The following KLHL36 variants were observed in gnomAD, a reference collection of about 807,000 sequenced individuals.
KLHL36 encodes kelch like family member 36.
KLHL36 carries 35 observed loss-of-function variants against 53.3 expected under a neutral mutation model. The ratio of observed to expected loss-of-function variants is 0.66; its 90% CI spans 0.50 to 0.87. The LOEUF is 0.87. Ranked by LOEUF, KLHL36 falls within the 40% of genes least tolerant of loss-of-function variation. The probability of loss-of-function intolerance (pLI) is 0.00; values close to 1 mark genes in which losing one functional copy is unlikely to be tolerated. For missense variants in KLHL36, 864 were observed against 897.6 expected (o/e 0.96, Z 0.48); for synonymous variants, 472 against 398.9 (o/e 1.18, Z -2.18).
intron 3 of KLHL36, chr16:84,658,193 A>T (rs1907338008): frequency 5.3e-6 from 2 of 376,490 alleles, no homozygotes; most frequent in Non-Finnish European, 9.4e-6. Context: ...TTCTGTGCAG[A>T]TGGAAGGGTC....
Position 84,663,668 on chromosome 16 carries a change from G to C in KLHL36, c.*1535G>C, listed in dbSNP as rs1907685554. On this transcript the variant is annotated 3_prime_UTR_variant, in exon 5 of 5. Coordinates refer to ENST00000564996, the MANE Select transcript of KLHL36 (RefSeq NM_024731.4). Reference sequence around the variant, plus strand: ...TTGCCCTTTAAGAGGGCTCTCAGCTGCTCGAGTGGATGAGGATCAATGTGT... The same window carrying C: ...TTGCCCTTTAAGAGGGCTCTCAGCTCCTCGAGTGGATGAGGATCAATGTGT... 1 of 152,250 alleles carries C rather than the reference G, an allele frequency of 6.6e-6. No homozygotes were observed. Among genetic ancestry groups the C allele is most frequent in the African/African-American group, 2.4e-5 (1 of 41,476 alleles). The allele number at this position is 152,250 out of a possible 1,614,324, so 9.4% of individuals were successfully genotyped here.
intron 2 of KLHL36, among the ~76,000 whole-genome samples, chr16:84,655,186 T>TGA (rs1907129551): frequency 6.6e-6 from 1 of 152,092 alleles, no homozygotes; most frequent in African/African-American, 2.4e-5. Context: ...CCACAGGCTG[T>TGA]GAGAATGTGG....
Position 84,661,859 on chromosome 16 carries a change from G to A in KLHL36, c.1577G>A (p.Trp526Ter). ...VEAYSPQCNQ[W>*]TRVAPLLHAN... ...GCCTACAGCCCGCAGTGCAACCAGT[G>A]GACCCGCGTGGCGCCGCTGCTGCAC... The change falls in exon 5 of 5, where the codon TGG (tryptophan) becomes TAG (stop). Residue 526 changes from tryptophan to a stop codon, truncating the protein, a stop_gained. Coordinates refer to ENST00000564996, the MANE Select transcript of KLHL36 (RefSeq NM_024731.4). LOFTEE classifies it high-confidence loss of function. This position sits in a 1 kb window ranked among gnomAD's most constrained non-coding sequence, Gnocchi z 7.9. The A allele has an allele frequency of 6.2e-7, 1 of 1,601,794 alleles. No homozygotes were observed. Among genetic ancestry groups the A allele is most frequent in the Non-Finnish European group, 8.5e-7 (1 of 1,170,616 alleles).
rs1295472057 is a variant in KLHL36 at position 84,661,911 on chromosome 16, G to T, written c.1629G>T (p.Val543=). 1.1e-5 allele frequency: 17 copies of T among 1,599,750 alleles called. No homozygotes were observed. The South Asian group carries it at 1.9e-4, about 18-fold the overall frequency. ...CCAACAGCGAGTCGGGCGTGGCAGTGTGGGAGGGCCGCATCTACATCCTGG... is the reference window on the plus strand; with the variant it reads ...CCAACAGCGAGTCGGGCGTGGCAGTTTGGGAGGGCCGCATCTACATCCTGG... The part of the protein sequence containing the change: ...LHANSESGVA[V]WEGRIYILGG... The change falls in exon 5 of 5, where the codon GTG becomes GTT. Residue 543 remains valine, a synonymous_variant. Coordinates refer to ENST00000564996, the MANE Select transcript of KLHL36 (RefSeq NM_024731.4). The surrounding 1 kb of genome is among the most constrained non-coding windows in gnomAD (Gnocchi z 7.9).
chr16:84,666,351 A>G lies in KLHL36; in HGVS notation c.*4218A>G, dbSNP rs1190852171. The G allele has an allele frequency of 1.3e-5, 2 of 152,080 alleles. No individual in the cohort carries two copies. The highest frequency in any genetic ancestry group is 2.9e-5 in the Non-Finnish European group (2 of 68,014). 9.4% of individuals were successfully genotyped at this position (152,080 alleles called of 1,614,324 possible). ...TGGATCTTGCCCTTCTCCATCGCTGATGTGATACAGCTCTAGAATTTCGTG... is the reference window on the plus strand; with the variant it reads ...TGGATCTTGCCCTTCTCCATCGCTGGTGTGATACAGCTCTAGAATTTCGTG... On this transcript the variant is annotated 3_prime_UTR_variant, in exon 5 of 5. Coordinates refer to ENST00000564996, the MANE Select transcript of KLHL36 (RefSeq NM_024731.4).
At chr16:84,658,081 G>A (rs935284816) in intron 3 of KLHL36, 137 bp downstream of exon 3, 1 of 704,118 alleles carries the variant, frequency 1.4e-6, no homozygotes, top group Admixed American at 3.4e-5. Flanking sequence ...AAAGTGACGA[G>A]CAGAATACCC....
chr16:84,661,921 C>T lies in KLHL36; in HGVS notation c.1639C>T (p.Arg547Cys), dbSNP rs550468904. The T allele has an allele frequency of 3.1e-5, 49 of 1,600,660 alleles. No individual in the cohort carries two copies. The Admixed American group carries it at 3.4e-4, about 11-fold the overall frequency. Residue 547 changes from arginine (R) to cysteine (C), a missense_variant, in exon 5 of 5, where the codon CGC becomes TGC. Physicochemically the swap from Arg to Cys is radical, Grantham distance 180. Coordinates refer to ENST00000564996, the MANE Select transcript of KLHL36 (RefSeq NM_024731.4). The surrounding 1 kb of genome is among the most constrained non-coding windows in gnomAD (Gnocchi z 7.9). ...SESGVAVWEG[R>C]IYILGGYSWE... Reference sequence around the variant, plus strand: ...GTCGGGCGTGGCAGTGTGGGAGGGCCGCATCTACATCCTGGGCGGCTACAG... The same window carrying T: ...GTCGGGCGTGGCAGTGTGGGAGGGCTGCATCTACATCCTGGGCGGCTACAG...
intron 1 of KLHL36, among the ~76,000 whole-genome samples, chr16:84,649,603 G>A (rs1906707398): frequency 6.6e-6 from 1 of 152,228 alleles, no homozygotes; most frequent in African/African-American, 2.4e-5. Flanking sequence ...GGGCCGGGGT[G>A]GGAACAGCTT....
At position 84,648,876 on chromosome 16, in the gene KLHL36, C is replaced by G. The variant is rs959084428; in HGVS notation, c.-17+227C>G. 3.3e-5 allele frequency: 5 copies of G among 151,632 alleles called. No individual in the cohort carries two copies. The highest frequency in any genetic ancestry group is 2.1e-4 in the South Asian group (1 of 4,834). The allele number at this position is 151,632 out of a possible 1,614,324, so 9.4% of individuals were successfully genotyped here. On this transcript the variant is annotated intron_variant, in intron 1 of 4. Coordinates refer to ENST00000564996, the MANE Select transcript of KLHL36 (RefSeq NM_024731.4). This position sits in a 1 kb window ranked among gnomAD's most constrained non-coding sequence, Gnocchi z 4.9. Reference sequence around the variant, plus strand: ...CAGGTGCGGCCTGTGCGGACCGCCCCGCGCGTGGCAGGTGAGTGGCCCCCG... The same window carrying G: ...CAGGTGCGGCCTGTGCGGACCGCCCGGCGCGTGGCAGGTGAGTGGCCCCCG...
rs999670521 is a variant in KLHL36, at chr16:84,665,507, A to C, written c.*3374A>C. ...TAAATGCACAGAGATTATTTTATCA[A>C]CTGTGGTTAGCACGCAATTGGTATT... On this transcript the variant is annotated 3_prime_UTR_variant, in exon 5 of 5. Transcript: ENST00000564996. 1 of 152,222 alleles carries C rather than the reference A, an allele frequency of 6.6e-6. No homozygotes were observed. Among genetic ancestry groups the C allele is most frequent in the Admixed American group, 6.5e-5 (1 of 15,278 alleles). 9.4% of individuals were successfully genotyped at this position (152,222 alleles called of 1,614,324 possible). A position where few individuals can be genotyped will look rare whatever the true frequency, so the allele number is the denominator to read the frequency against.
intron 3 of KLHL36, chr16:84,659,058 G>A (rs1907390355): frequency 6.6e-6 from 1 of 152,240 alleles, no homozygotes; most frequent in Non-Finnish European, 1.5e-5. Context: ...CTGGAGTGCA[G>A]TGGCACGATC....
In KLHL36 at chr16:84,656,918, C is replaced by G; in HGVS notation, c.111C>G (p.Asn37Lys). 6.2e-7 allele frequency: 1 copy of G among 1,612,780 alleles called. No homozygotes were observed. Among genetic ancestry groups the G allele is most frequent in the Non-Finnish European group, 8.5e-7 (1 of 1,179,850 alleles). Reference sequence around the variant, plus strand: ...CAAGCACGGTGCTGCAGCGGCTGAACGAGCAGCGTCTCCGCGGGCTCTTCT... The same window carrying G: ...CAAGCACGGTGCTGCAGCGGCTGAAGGAGCAGCGTCTCCGCGGGCTCTTCT... ...DHSSTVLQRL[N>K]EQRLRGLFCD... is the part of the protein sequence containing the mutation. Residue 37 changes from asparagine to lysine, a missense_variant, in exon 3 of 5, where the codon AAC (asparagine) becomes AAG (lysine). Coordinates refer to ENST00000564996, the MANE Select transcript of KLHL36 (RefSeq NM_024731.4).
chr16:84,662,119 G>C lies in KLHL36; in HGVS notation c.1837G>C (p.Asp613His). 1 of 1,546,028 alleles carries C rather than the reference G, an allele frequency of 6.5e-7. No homozygotes were observed. ...KKKGKGKRHQ[D>H]RGQ ...GAAAGGCAAAGGCAAGAGGCACCAG[G>C]ACCGGGGCCAGTGACCCTAGCTGCG... Residue 613 changes from aspartate (D) to histidine (H), a missense_variant, in exon 5 of 5, where the codon GAC becomes CAC. Physicochemically the swap from Asp to His is moderately conservative, Grantham distance 81. Transcript: ENST00000564996.
chr16:84,659,484 A>G lies in KLHL36; in HGVS notation c.1138-276A>G, dbSNP rs9929045. On this transcript the variant is annotated intron_variant, in intron 3 of 4. Coordinates refer to ENST00000564996, the MANE Select transcript of KLHL36 (RefSeq NM_024731.4). Reference sequence around the variant, plus strand: ...AGTTCCCATCCACGCGGCTAACGACATGACCAGAGAAGTTCGGGGGTTCAG... The same window carrying G: ...AGTTCCCATCCACGCGGCTAACGACGTGACCAGAGAAGTTCGGGGGTTCAG... 8.4e-3 allele frequency: 3,286 copies of G among 391,274 alleles called. 101 individuals carry two copies. The highest frequency in any genetic ancestry group is 0.062 in the African/African-American group (3,043 of 49,340). The allele number at this position is 391,274 out of a possible 1,614,324, so 24.2% of individuals were successfully genotyped here.
Position 84,661,629 on chromosome 16 carries a change from G to C in KLHL36, c.1347G>C (p.Ser449=), listed in dbSNP as rs373757262. The C allele has an allele frequency of 3.3e-5, 53 of 1,611,632 alleles. No individual in the cohort carries two copies. The highest frequency in any genetic ancestry group is 4.5e-5 in the Non-Finnish European group (53 of 1,179,062). The change falls in exon 5 of 5, where the codon TCG becomes TCC. Residue 449 remains serine (S), a synonymous_variant. Coordinates refer to ENST00000564996, the MANE Select transcript of KLHL36 (RefSeq NM_024731.4). The surrounding 1 kb of genome is among the most constrained non-coding windows in gnomAD (Gnocchi z 7.9). ...TCTACAAAGACTTCGTGTACATCTC[G>C]GGGGGCCACGACTACCAAATTGGCC... ...GTIYKDFVYI[S]GGHDYQIGPY...
chr16:84,661,977 G>T lies in KLHL36; in HGVS notation c.1695G>T (p.Val565=). 1 of 1,598,368 alleles carries T rather than the reference G, an allele frequency of 6.3e-7. No homozygotes were observed. The highest frequency in any genetic ancestry group is 8.5e-7 in the Non-Finnish European group (1 of 1,173,782). The change falls in exon 5 of 5, where the codon GTG becomes GTT. Residue 565 remains valine (V), a synonymous_variant. Transcript: ENST00000564996. The surrounding 1 kb of genome is among the most constrained non-coding windows in gnomAD (Gnocchi z 7.9). ...AGAACACTGCCTTCTCCAAGACCGT[G>T]CAGGTGTACGACCGCGAGGCCGACA... The part of the protein sequence containing the change: ...SWENTAFSKT[V]QVYDREADKW...
rs1907287094 is a variant in KLHL36 at position 84,657,522 on chromosome 16, C to T, written c.715C>T (p.Leu239Phe). Residue 239 changes from leucine to phenylalanine, a missense_variant, in exon 3 of 5, where the codon CTC becomes TTC. Transcript: ENST00000564996. ...RQVLENIHFP[L>F]IPKNDLLHRV... ...GGTGCTGGAGAACATCCACTTCCCG[C>T]TCATCCCCAAGAACGACCTGCTGCA... 6.2e-7 allele frequency: 1 copy of T among 1,609,968 alleles called. No individual in the cohort carries two copies.
At chr16:84,649,500 G>C (rs567315915) in intron 1 of KLHL36, among the ~76,000 whole-genome samples, 3 of 152,204 alleles carry the variant, frequency 2.0e-5, no homozygotes, top group East Asian at 1.9e-4. Flanking sequence ...ACCTCTCAGC[G>C]TGAAGGTGGA....
chr16:84,652,469 C>T (rs1906947916), intron 2 of KLHL36, among the ~76,000 whole-genome samples: 1 of 152,222 alleles, frequency 6.6e-6, no homozygotes. Flanking sequence ...CGGGGTTTCA[C>T]CATGTTGGCC....
Sources: allele counts gnomAD v4.1 joint callset (sites outside exome capture counted in the v4.1 genomes callset), GRCh38; gene constraint gnomAD v4.1.1; non-coding constraint Gnocchi (gnomAD v3.1); transcripts MANE v1.5; gene names NCBI Gene and HGNC (gene_info 2026-07-23, HGNC 2026-07-21).